SMCO4: variants seen among roughly 807,000 people sequenced by gnomAD.
SMCO4 encodes single-pass membrane and coiled-coil domain-containing protein 4.
A neutral mutation model predicts 3.6 loss-of-function variants in SMCO4; 4 were observed. The observed-to-expected ratio is 1.11, with a 90% CI of 0.54 to 2.53. The LOEUF (loss-of-function observed/expected upper bound fraction) is 2.53. Ranked by LOEUF, SMCO4 falls within the 30% of genes most tolerant of loss-of-function variation. The pLI, the probability that SMCO4 is intolerant of heterozygous loss-of-function variation, is 0.02. For missense variants in SMCO4, 70 were observed against 80.8 expected, an observed-to-expected ratio of 0.87 and a Z score of 0.51; for synonymous variants, 36 against 35.3, an observed-to-expected ratio of 1.02 and a Z score of -0.07.
At chr11:93,535,687 G>T in intron 1 of SMCO4, 1 of 1,612,776 alleles carries the variant, frequency 6.2e-7, no homozygotes, top group Non-Finnish European at 8.5e-7. Context: ...GGTGAGCTCC[G>T]AGGAAGTGAA....
the SMCO4 span, among the ~76,000 whole-genome samples, chr11:93,552,836 AT>A: frequency 0.14 from 20,433 of 149,874 alleles, 1,846 homozygotes; most frequent in African/African-American, 0.25. Context: ...CATCAATTTA[AT>A]TTTTTTTTTG....
intron 1 of SMCO4, among the ~76,000 whole-genome samples, chr11:93,522,471 G>A (rs1359192907): frequency 3.9e-5 from 6 of 152,228 alleles, no homozygotes. Context: ...CACAAGACCT[G>A]TGGTAGCCAA....
Position 93,492,438 on chromosome 11 carries a change from T to A in SMCO4, c.-81+6838A>T, listed in dbSNP as rs180691227. 3.8e-4 allele frequency among the ~76,000 whole-genome samples: 58 copies of A among 152,344 alleles called. 1 individual carries two copies. Among genetic ancestry groups the A allele is most frequent in the African/African-American group, 1.3e-3 (56 of 41,588 alleles). The stretch of plus-strand genomic sequence containing the variant: ...AATGAAAACAAAGTTCCTGGTCTCA[T>A]GGAATTCACAGTCCAATTGAGGGAG... On this transcript the variant is annotated intron_variant, in intron 2 of 2. Coordinates refer to ENST00000298966, the MANE Select transcript of SMCO4 (RefSeq NM_020179.3).
At chr11:93,498,353 C>T (rs1029088549) in intron 2 of SMCO4, among the ~76,000 whole-genome samples, 1 of 152,198 alleles carries the variant, frequency 6.6e-6, no homozygotes, top group Non-Finnish European at 1.5e-5. Context: ...TGGGTTAAGA[C>T]ACAAAGTCAC....
chr11:93,534,429 G>A (rs1949200126), intron 1 of SMCO4, among the ~76,000 whole-genome samples: 1 of 150,530 alleles, frequency 6.6e-6, no homozygotes, highest in Non-Finnish European at 1.5e-5. Flanking sequence ...AACACAAATA[G>A]GTGGAGTTAC....
At chr11:93,538,723 C>T (rs1482715028) in intron 1 of SMCO4, among the ~76,000 whole-genome samples, 1 of 152,176 alleles carries the variant, frequency 6.6e-6, no homozygotes, top group Non-Finnish European at 1.5e-5. Flanking sequence ...AGGGATGATG[C>T]AATTCTAGTA....
chr11:93,531,449 A>G (rs1045923721), intron 1 of SMCO4, among the ~76,000 whole-genome samples: 1 of 152,000 alleles, frequency 6.6e-6, no homozygotes, highest in Non-Finnish European at 1.5e-5. Context: ...TGGAACTTAC[A>G]CCATTGGCTC....
At chr11:93,550,532 A>C in the SMCO4 span, among the ~76,000 whole-genome samples, 1 of 152,106 alleles carries the variant, frequency 6.6e-6, no homozygotes, top group African/African-American at 2.4e-5. Flanking sequence ...AAAAATAGCC[A>C]GGCGTGGTGG....
intron 1 of SMCO4, among the ~76,000 whole-genome samples, chr11:93,538,739 A>C (rs1949248803): frequency 6.6e-6 from 1 of 152,174 alleles, no homozygotes; most frequent in African/African-American, 2.4e-5. Context: ...TAGTATCCAA[A>C]GGCACTAAGC....
chr11:93,535,067 C>T (rs918102317), intron 1 of SMCO4, among the ~76,000 whole-genome samples: 1 of 152,210 alleles, frequency 6.6e-6, no homozygotes, highest in Non-Finnish European at 1.5e-5. Flanking sequence ...CTTCCCAGTG[C>T]CCCTCCCCAG....
intron 1 of SMCO4, among the ~76,000 whole-genome samples, chr11:93,533,058 C>T (rs761295054): frequency 1.4e-4 from 21 of 152,112 alleles, no homozygotes; most frequent in Non-Finnish European, 2.4e-4. Flanking sequence ...GAGGGCCAAA[C>T]GGAGAGGCAG....
Position 93,479,221 on chromosome 11 carries a change from A to C in SMCO4, c.-32T>G. ...TAGAGGATGCTAGGAGGGTGTGTCC[A>C]GAGGGATTCCAGGAAGGGCCACACT... is the stretch of plus-strand genomic sequence containing the variant. On this transcript the variant is annotated 5_prime_UTR_variant, in exon 3 of 3. Transcript: ENST00000298966. The C allele has an allele frequency of 1.2e-6, 2 of 1,600,100 alleles. No individual in the cohort carries two copies. Among genetic ancestry groups the C allele is most frequent in the East Asian group, 2.2e-5 (1 of 44,674 alleles).
chr11:93,481,436 C>T (rs753102650), intron 2 of SMCO4: 40 of 985,290 alleles, frequency 4.1e-5, no homozygotes, highest in Non-Finnish European at 4.5e-5. Flanking sequence ...CCCACCTTCG[C>T]GGGACCGTGG....
intron 1 of SMCO4, among the ~76,000 whole-genome samples, chr11:93,519,381 T>C (rs781705025): frequency 2.0e-5 from 3 of 152,214 alleles, no homozygotes; most frequent in Non-Finnish European, 2.9e-5. Flanking sequence ...CAGGAATGGC[T>C]GGCAAATCAG....
intron 2 of SMCO4, among the ~76,000 whole-genome samples, chr11:93,497,583 T>G (rs946975619): frequency 2.0e-5 from 3 of 151,634 alleles, no homozygotes; most frequent in South Asian, 2.1e-4. Flanking sequence ...AAAGGAACAC[T>G]GAGGGTAGAG....
chr11:93,532,839 C>T (rs1949176165), intron 1 of SMCO4, among the ~76,000 whole-genome samples: 2 of 139,798 alleles, frequency 1.4e-5, no homozygotes, highest in Admixed American at 1.4e-4. Flanking sequence ...CACTTTGTTA[C>T]AGCAGCCCTG....
intron 1 of SMCO4, among the ~76,000 whole-genome samples, chr11:93,503,276 A>G (rs1948862920): frequency 6.6e-6 from 1 of 152,242 alleles, no homozygotes; most frequent in Admixed American, 6.5e-5. Context: ...GGTGGCAGAC[A>G]AGAGATAATG....
At chr11:93,544,294 T>G (rs1343146450), upstream of SMCO4, among the ~76,000 whole-genome samples, 1 of 152,230 alleles carries the variant, frequency 6.6e-6, no homozygotes, top group Non-Finnish European at 1.5e-5. Flanking sequence ...TTTTAAAAAC[T>G]ATCTTCGAAA....
chr11:93,481,373 C>T (rs1948590397), intron 2 of SMCO4: 2 of 961,988 alleles, frequency 2.1e-6, no homozygotes, highest in African/African-American at 1.8e-5. Context: ...CGTGGGCGGC[C>T]CAGGGACGGG....
Sources: allele counts gnomAD v4.1 joint callset (sites outside exome capture counted in the v4.1 genomes callset), GRCh38; gene constraint gnomAD v4.1.1; transcripts MANE v1.5; gene names NCBI Gene and HGNC (gene_info 2026-07-23, HGNC 2026-07-21).